Variants in TNK2 observed in about 807,000 individuals in gnomAD.
TNK2 encodes the protein activated CDC42 kinase 1.
TNK2 carries 83 observed loss-of-function variants against 101.8 expected under a neutral mutation model. The ratio of observed to expected loss-of-function variants is 0.82; its 90% confidence interval spans 0.68 to 0.98. The LOEUF (loss-of-function observed/expected upper bound fraction) is 0.98. TNK2 is among the 50% of genes least tolerant of loss of function. TNK2 has a pLI of 0.00. For missense variants in TNK2, 1,665 were observed against 1,483.2 expected (o/e 1.12, Z -2.01); for synonymous variants, 804 against 633.0 (o/e 1.27, Z -4.06).
rs753093812 is a variant in TNK2 at position 195,882,391 on chromosome 3, C to T, written c.610-63G>A. 12 of 1,595,906 alleles carry T rather than the reference C, an allele frequency of 7.5e-6. No homozygotes were observed. Among genetic ancestry groups the T allele is most frequent in the African/African-American group, 4.0e-5 (3 of 74,472 alleles). On this transcript the variant is annotated intron_variant, in intron 5 of 15. Coordinates refer to ENST00000672887, the MANE Select transcript of TNK2 (RefSeq NM_001382273.1). This position sits in a 1 kb window ranked among gnomAD's most constrained non-coding sequence, Gnocchi z 4.2. Reference sequence around the variant, plus strand: ...GACCCTGCCCCTTCTCAGCAGCCCACGCTGGGCCCCCAGTCCCCTTCCTGA... The same window carrying T: ...GACCCTGCCCCTTCTCAGCAGCCCATGCTGGGCCCCCAGTCCCCTTCCTGA...
At position 195,868,566 on chromosome 3, in the gene TNK2, C is replaced by T. The variant is rs1294394132; in HGVS notation, c.1732G>A (p.Gly578Ser). The T allele has an allele frequency of 2.5e-6, 4 of 1,573,276 alleles. No individual in the cohort carries two copies. Among genetic ancestry groups the T allele is most frequent in the Admixed American group, 3.6e-5 (2 of 55,588 alleles). Reference protein sequence around the residue: ...ARVPGTKASRGSGAEVTLIDF... With the variant: ...ARVPGTKASRSSGAEVTLIDF... ...ATGAGCGTGACCTCAGCCCCGCTGC[C>T]TCGGCTGGCCTTGGTGCCCGGCACC... Residue 578 changes from glycine (G) to serine (S), a missense_variant, in exon 13 of 16, where the codon GGC (glycine) becomes AGC (serine). Around this residue, in one of 3 missense-constraint regions of TNK2, gnomAD observed 1,136 missense variants for 894.9 expected, o/e 1.27. Transcript: ENST00000672887.
intron 10 of TNK2, among the ~76,000 whole-genome samples, chr3:195,871,746 G>T (rs1745464848): frequency 6.6e-6 from 1 of 152,184 alleles, no homozygotes; most frequent in South Asian, 2.1e-4. Context: ...CTTCTCTCAG[G>T]ACCCCTGCAT....
At chr3:195,903,703 A>G (rs761281465) in intron 1 of TNK2, among the ~76,000 whole-genome samples, 10 of 151,972 alleles carry the variant, frequency 6.6e-5, no homozygotes, top group African/African-American at 1.2e-4. Context: ...GGCGACAAGC[A>G]TGAAACTCCA....
Position 195,867,607 on chromosome 3 carries a change from G to A in TNK2, c.2691C>T (p.Pro897=), listed in dbSNP as rs1324954786. The A allele has an allele frequency of 6.9e-6, 11 of 1,596,458 alleles. No homozygotes were observed. The highest frequency in any genetic ancestry group is 1.7e-4 in the Middle Eastern group (1 of 5,842). Residue 897 remains proline (P), a synonymous_variant, in exon 13 of 16, where the codon CCC becomes CCT. Transcript: ENST00000672887. ...GCACAGGCAGGGGGGTAGGCTCCTC[G>A]GGGCTCTGGGCCTCACGCAGGAAGC... is the stretch of plus-strand genomic sequence containing the variant. The part of the protein sequence containing the change: ...YQRFLREAQS[P]EEPTPLPVPL...
At position 195,863,549 on chromosome 3, in the gene TNK2, G is replaced by C. The variant is rs1738736098; in HGVS notation, c.*632C>G. On this transcript the variant is annotated 3_prime_UTR_variant, in exon 16 of 16. Coordinates refer to ENST00000672887, the MANE Select transcript of TNK2 (RefSeq NM_001382273.1). ...TCTCCTTCCAGCCCTGGGGCCTTGG[G>C]CCCTGGTCCCCGCCAGAGAATGGTC... is the stretch of plus-strand genomic sequence containing the variant. 4 of 152,758 alleles carry C rather than the reference G, an allele frequency of 2.6e-5. No homozygotes were observed. Among genetic ancestry groups the C allele is most frequent in the Admixed American group, 2.0e-4 (3 of 15,296 alleles). 9.5% of individuals were successfully genotyped at this position (152,758 alleles called of 1,614,324 possible).
intron 9 of TNK2, chr3:195,876,658 C>T (rs1268883020): frequency 2.0e-5 from 9 of 455,512 alleles, no homozygotes; most frequent in Admixed American, 1.9e-4. Flanking sequence ...GGTTCCAAGC[C>T]AGGGCTGGTG....
At chr3:195,893,263 C>T (rs1018938114) in intron 1 of TNK2, among the ~76,000 whole-genome samples, 29 of 151,832 alleles carry the variant, frequency 1.9e-4, no homozygotes, top group African/African-American at 6.8e-4. Flanking sequence ...CCCTGGTGCC[C>T]GACGGAAATA....
chr3:195,879,836 T>C (rs1751409323), intron 6 of TNK2, among the ~76,000 whole-genome samples: 1 of 152,064 alleles, frequency 6.6e-6, no homozygotes, highest in African/African-American at 2.4e-5. Context: ...TAAGGTTCAT[T>C]ATCCTCCTTG....
chr3:195,867,813 T>A lies in TNK2; in HGVS notation c.2485A>T (p.Thr829Ser), dbSNP rs759528275. 4.5e-6 allele frequency: 7 copies of A among 1,553,730 alleles called. No homozygotes were observed. In the African/African-American group the frequency reaches 8.3e-5, roughly 18 times the overall value. ...PPRLSSSPGK[T>S]MPTTQSFASD... Reference sequence around the variant, plus strand: ...GCAAAGCTCTGGGTGGTGGGCATGGTCTTCCCAGGTGAGCTTGAGAGCCGG... The same window carrying A: ...GCAAAGCTCTGGGTGGTGGGCATGGACTTCCCAGGTGAGCTTGAGAGCCGG... Residue 829 changes from threonine to serine, a missense_variant, in exon 13 of 16, where the codon ACC (threonine) becomes TCC (serine). Physicochemically the swap from Thr to Ser is moderately conservative, Grantham distance 58. Transcript: ENST00000672887.
chr3:195,876,993 G>A (rs1010260263), intron 9 of TNK2, among the ~76,000 whole-genome samples: 12 of 152,204 alleles, frequency 7.9e-5, no homozygotes, highest in African/African-American at 2.2e-4. Context: ...CCAGGCCCAC[G>A]GCTTTCCAGC....
chr3:195,870,343 A>C (rs959054613), intron 10 of TNK2, 138 bp from the exon 11 acceptor site: 4 of 1,518,444 alleles, frequency 2.6e-6, no homozygotes, highest in Non-Finnish European at 3.5e-6. Context: ...CTCCCAGTCC[A>C]CAGAACCTGA....
intron 15 of TNK2, 133 bp downstream of exon 15, chr3:195,866,756 C>G: frequency 7.5e-7 from 1 of 1,327,354 alleles, no homozygotes; most frequent in Non-Finnish European, 1.0e-6. Flanking sequence ...TGAGCGCCTC[C>G]CTCCCGCAGC....
chr3:195,868,238 A>G lies in TNK2; in HGVS notation c.2060T>C (p.Phe687Ser), dbSNP rs1354962388. The change falls in exon 13 of 16, where the codon TTT becomes TCT. Residue 687 changes from phenylalanine to serine, a missense_variant. Phe to Ser is a radical substitution (Grantham distance 155). Coordinates refer to ENST00000672887, the MANE Select transcript of TNK2 (RefSeq NM_001382273.1). ...GGGCGGCCGCGCCTGCTCAGGCACA[A>G]AGGCGTAGTTGGTCTGGCCCTGGCT... The part of the protein sequence containing the change: ...GPSQGQTNYA[F>S]VPEQARPPPP... 2 of 1,605,736 alleles carry G rather than the reference A, an allele frequency of 1.2e-6. No individual in the cohort carries two copies. Among genetic ancestry groups the G allele is most frequent in the African/African-American group, 1.3e-5 (1 of 74,824 alleles).
rs1753854193 is a variant in TNK2 at position 195,882,939 on chromosome 3, A to G, written c.609+218T>C. On this transcript the variant is annotated intron_variant, in intron 5 of 15. Coordinates refer to ENST00000672887, the MANE Select transcript of TNK2 (RefSeq NM_001382273.1). The surrounding 1 kb of genome is among the most constrained non-coding windows in gnomAD (Gnocchi z 4.2). ...CTCCCATGGGAGTAACTCTCTTGAC[A>G]CTGAGCACCAGCAAAATCCAGAGAC... Among the ~76,000 whole-genome samples, 1 of 152,180 alleles carries G rather than the reference A, an allele frequency of 6.6e-6. No homozygotes were observed. The highest frequency in any genetic ancestry group is 1.5e-5 in the Non-Finnish European group (1 of 68,026).
At position 195,863,972 on chromosome 3, in the gene TNK2, T is replaced by A; in HGVS notation, c.*209A>T. On this transcript the variant is annotated 3_prime_UTR_variant, in exon 16 of 16. Coordinates refer to ENST00000672887, the MANE Select transcript of TNK2 (RefSeq NM_001382273.1). ...CACATCTTGGCAGGGGCACCGGGAC[T>A]GAACCAAAGTGTGCAGGGACAGCGC... The A allele has an allele frequency of 1.7e-6, 1 of 585,272 alleles. No homozygotes were observed. Among genetic ancestry groups the A allele is most frequent in the Non-Finnish European group, 3.0e-6 (1 of 335,376 alleles). 36.3% of individuals were successfully genotyped at this position (585,272 alleles called of 1,614,324 possible).
chr3:195,885,340 GGTCGGA>G lies in TNK2; in HGVS notation c.235-313_235-308del. 1 of 1,378,778 alleles carries G rather than the reference GGTCGGA, an allele frequency of 7.3e-7. No individual in the cohort carries two copies. Among genetic ancestry groups the G allele is most frequent in the Non-Finnish European group, 9.5e-7 (1 of 1,054,612 alleles). 85.4% of individuals were successfully genotyped at this position (1,378,778 alleles called of 1,614,324 possible). A position where few individuals can be genotyped will look rare whatever the true frequency, so the allele number is the denominator to read the frequency against. ...GAGAGGGAGGGCACCGCCCAGCCAA[GGTCGGA>G]GTCTCCTCCCAGTCCTGCCCCACCC... is the stretch of plus-strand genomic sequence containing the variant. On this transcript the variant is annotated intron_variant, in intron 3 of 15. Transcript: ENST00000672887. The surrounding 1 kb of genome is among the most constrained non-coding windows in gnomAD (Gnocchi z 4.7).
intron 10 of TNK2, 41 bp downstream of exon 10, chr3:195,872,235 G>A (rs748305336): frequency 3.3e-5 from 53 of 1,608,484 alleles, no homozygotes; most frequent in Middle Eastern, 1.7e-4. Context: ...CTGGAGTCCC[G>A]AGCGGGGCCA....
Position 195,883,199 on chromosome 3 carries a change from G to A in TNK2, c.567C>T (p.Leu189=), listed in dbSNP as rs1273582278. 6.2e-7 allele frequency: 1 copy of A among 1,609,376 alleles called. No individual in the cohort carries two copies. Residue 189 remains leucine (L), a synonymous_variant, in exon 5 of 16, where the codon CTC becomes CTT. Transcript: ENST00000672887. ...TGAGCACCACCCCGTAGAGGCGGAT[G>A]AGGTTTCGGTGGTCGAGCGAGTGCA... ...NAMHSLDHRN[L]IRLYGVVLTP...
At position 195,886,850 on chromosome 3, in the gene TNK2, T is replaced by A; in HGVS notation, c.234+127A>T. The A allele has an allele frequency of 9.6e-7, 1 of 1,045,546 alleles. No homozygotes were observed. Among genetic ancestry groups the A allele is most frequent in the Non-Finnish European group, 1.5e-6 (1 of 668,806 alleles). 64.8% of individuals were successfully genotyped at this position (1,045,546 alleles called of 1,614,324 possible). ...TAAGACCCTGGACGAGGGGGTCCTG[T>A]ACAAAGTGCCGGCAGAACGGCGAGA... On this transcript the variant is annotated intron_variant, in intron 3 of 15. Coordinates refer to ENST00000672887, the MANE Select transcript of TNK2 (RefSeq NM_001382273.1). The surrounding 1 kb of genome is among the most constrained non-coding windows in gnomAD (Gnocchi z 4.2).
Sources: gnomAD v4.1 joint callset for allele counts (sites outside exome capture counted in the v4.1 genomes callset) on GRCh38, gnomAD v4.1.1 for gene constraint, gnomAD v4.1.1 regional missense constraint, Gnocchi (gnomAD v3.1) non-coding constraint, MANE v1.5 for transcripts, NCBI Gene and HGNC (gene_info 2026-07-23, HGNC 2026-07-21) for gene names.